The following ZMYND8 variants were observed in gnomAD, a reference collection of about 807,000 sequenced individuals.
ZMYND8 encodes the protein MYND-type zinc finger-containing chromatin reader ZMYND8.
A neutral mutation model predicts 140.8 loss-of-function variants in ZMYND8; 37 were observed. That is an observed-to-expected ratio of 0.26 (90% CI 0.20 to 0.35). The LOEUF (loss-of-function observed/expected upper bound fraction) is 0.35, where lower values mean the gene tolerates loss of function less well. Ranked by LOEUF, ZMYND8 falls within the 10% of genes least tolerant of loss-of-function variation. The pLI, the probability that ZMYND8 is intolerant of heterozygous loss-of-function variation, is 1.00. For synonymous variants in ZMYND8, 592 were observed against 597.1 expected (o/e 0.99, Z 0.12); for missense variants, 1,068 against 1,570.0 (o/e 0.68, Z 5.40).
At chr20:47,339,649 TG>T in intron 2 of ZMYND8, among the ~76,000 whole-genome samples, 1 of 151,880 alleles carries the variant, frequency 6.6e-6, no homozygotes, top group East Asian at 2.0e-4. Context: ...GCTAATTTTT[TG>T]TATTTTTAGT....
chr20:47,308,972 C>T (rs1216702237), intron 3 of ZMYND8, among the ~76,000 whole-genome samples: 2 of 152,172 alleles, frequency 1.3e-5, no homozygotes, highest in African/African-American at 2.4e-5. Context: ...GAACAAGTGG[C>T]ATCAGAACCA....
intron 3 of ZMYND8, among the ~76,000 whole-genome samples, chr20:47,301,190 T>C (rs1486783575): frequency 6.6e-6 from 1 of 151,334 alleles, no homozygotes; most frequent in Non-Finnish European, 1.5e-5. Flanking sequence ...GTTCCGCTCT[T>C]GTTGCCCAGG....
intron 2 of ZMYND8, among the ~76,000 whole-genome samples, chr20:47,329,077 T>C (rs1275135424): frequency 6.6e-6 from 1 of 152,194 alleles, no homozygotes; most frequent in East Asian, 1.9e-4. Context: ...CTGTGTTCTC[T>C]GCACAACTTT....
intron 21 of ZMYND8, among the ~76,000 whole-genome samples, chr20:47,213,396 GA>G (rs2035574035): frequency 1.3e-5 from 2 of 152,142 alleles, no homozygotes. Flanking sequence ...GAAACTCCAG[GA>G]AAAAGGCTAT....
At position 47,350,455 on chromosome 20, in the gene ZMYND8, G is replaced by T. The variant is rs370308802; in HGVS notation, c.15-2529C>A. On this transcript the variant is annotated intron_variant, in intron 1 of 22. Transcript: ENST00000471951. Reference sequence around the variant, plus strand: ...CTACACCACTGATTTCGGTTTTTTTGTGTGTGTGTGTGTGTTTTTTTTTGA... The same window carrying T: ...CTACACCACTGATTTCGGTTTTTTTTTGTGTGTGTGTGTGTTTTTTTTTGA... Among the ~76,000 whole-genome samples the T allele has an allele frequency of 7.0e-3, 1,041 of 148,452 alleles. 10 individuals carry two copies. The highest frequency in any genetic ancestry group is 0.021 in the Middle Eastern group (6 of 290).
chr20:47,221,918 C>T (rs988377005), intron 19 of ZMYND8, among the ~76,000 whole-genome samples: 2 of 152,186 alleles, frequency 1.3e-5, no homozygotes, highest in African/African-American at 2.4e-5. Flanking sequence ...CCACCCACCT[C>T]GGCCTCCCAA....
chr20:47,272,267 C>T (rs1199621928), intron 11 of ZMYND8, among the ~76,000 whole-genome samples: 6 of 151,958 alleles, frequency 3.9e-5, no homozygotes, highest in African/African-American at 1.5e-4. Context: ...TTAGTAGAGA[C>T]GGGGTTTCAC....
chr20:47,331,303 A>G (rs2080918715), intron 2 of ZMYND8, among the ~76,000 whole-genome samples: 1 of 152,238 alleles, frequency 6.6e-6, no homozygotes, highest in Admixed American at 6.5e-5. Flanking sequence ...ACTGTAGTTC[A>G]ATGGTGATAG....
At chr20:47,216,925 C>A (rs185525417) in intron 21 of ZMYND8, among the ~76,000 whole-genome samples, 2 of 152,084 alleles carry the variant, frequency 1.3e-5, no homozygotes, top group Admixed American at 1.3e-4. Flanking sequence ...GGTTAGTGAC[C>A]CAGATTTGCG....
chr20:47,267,677 A>G (rs780927597), intron 11 of ZMYND8, among the ~76,000 whole-genome samples: 15 of 152,236 alleles, frequency 9.9e-5, no homozygotes, highest in Admixed American at 3.9e-4. Context: ...CATCACCTAA[A>G]AACATCCAGA....
At chr20:47,250,313 G>C (rs1049551880) in intron 12 of ZMYND8, among the ~76,000 whole-genome samples, 5 of 152,150 alleles carry the variant, frequency 3.3e-5, no homozygotes, top group African/African-American at 1.2e-4. Flanking sequence ...TGGCTGCAAA[G>C]GTCCAGAAAG....
At chr20:47,274,379 C>T (rs539258844) in intron 11 of ZMYND8, among the ~76,000 whole-genome samples, 11 of 152,280 alleles carry the variant, frequency 7.2e-5, no homozygotes, top group South Asian at 4.1e-4. Flanking sequence ...TAATAAAATA[C>T]GGCAGAAAAC....
intron 12 of ZMYND8, among the ~76,000 whole-genome samples, chr20:47,257,664 C>T (rs75060934): frequency 0.13 from 20,117 of 151,932 alleles, 1,517 homozygotes; most frequent in South Asian, 0.31. Flanking sequence ...ATACCATATA[C>T]CCAATATACA....
In ZMYND8 at chr20:47,298,970, G is replaced by T; in HGVS notation, c.235-23C>A. On this transcript the variant is annotated intron_variant, in intron 3 of 22. Transcript: ENST00000471951. The surrounding 1 kb of genome is among the most constrained non-coding windows in gnomAD (Gnocchi z 5.0). ...TGACTGAAATGTAGGCAAAAAGACA[G>T]GTTTGGTTTCAAAACAAATGTGCAT... is the stretch of plus-strand genomic sequence containing the variant. 6.2e-7 allele frequency: 1 copy of T among 1,608,732 alleles called. No individual in the cohort carries two copies. The highest frequency in any genetic ancestry group is 8.5e-7 in the Non-Finnish European group (1 of 1,175,290).
At chr20:47,236,930 G>A (rs1189986703) in intron 15 of ZMYND8, among the ~76,000 whole-genome samples, 1 of 152,106 alleles carries the variant, frequency 6.6e-6, no homozygotes, top group East Asian at 1.9e-4. Context: ...TAACTTCCCT[G>A]ACTCTACTGA....
intron 2 of ZMYND8, among the ~76,000 whole-genome samples, chr20:47,314,383 C>CAACTA (rs1440438252): frequency 2.6e-5 from 4 of 152,064 alleles, no homozygotes; most frequent in African/African-American, 9.7e-5. Flanking sequence ...CCAGTAGTCC[C>CAACTA]AACTACTAGG....
chr20:47,221,223 A>G, intron 20 of ZMYND8, 91 bp downstream of exon 20: 1 of 1,521,478 alleles, frequency 6.6e-7, no homozygotes, highest in African/African-American at 1.4e-5. Flanking sequence ...CTCCCACAAC[A>G]CGGAACTTTC....
chr20:47,246,222 C>T lies in ZMYND8; in HGVS notation c.2070G>A (p.Glu690=). The T allele has an allele frequency of 6.2e-7, 1 of 1,614,168 alleles. No individual in the cohort carries two copies. Among genetic ancestry groups the T allele is most frequent in the Non-Finnish European group, 8.5e-7 (1 of 1,180,042 alleles). ...PGAVKDKASP[E]PEKDFSEKAK... ...CCTTTTCGGAAAAGTCCTTCTCAGGCTCAGGGCTGGCCTTGTCCTTGACTG... is the reference window on the plus strand; with the variant it reads ...CCTTTTCGGAAAAGTCCTTCTCAGGTTCAGGGCTGGCCTTGTCCTTGACTG... Residue 690 remains glutamate (E), a synonymous_variant, in exon 14 of 23, where the codon GAG becomes GAA. Coordinates refer to ENST00000471951, the MANE Select transcript of ZMYND8 (RefSeq NM_001281775.3).
Position 47,268,872 on chromosome 20 carries a change from G to A in ZMYND8, c.1481-6444C>T, listed in dbSNP as rs74275247. ...ATGTTATACACCTACTAAACACAAG[G>A]TGCTTGCTAAAAGAGTGATTAACAA... On this transcript the variant is annotated intron_variant, in intron 11 of 22. Transcript: ENST00000471951. Among the ~76,000 whole-genome samples, 1,074 of 152,066 alleles carry A rather than the reference G, an allele frequency of 7.1e-3. 62 individuals carry two copies. In the East Asian group the frequency reaches 0.15, roughly 21 times the overall value.
Sources: gnomAD v4.1 joint callset for allele counts (sites outside exome capture counted in the v4.1 genomes callset) on GRCh38, gnomAD v4.1.1 for gene constraint, Gnocchi (gnomAD v3.1) non-coding constraint, MANE v1.5 for transcripts, NCBI Gene and HGNC (gene_info 2026-07-23, HGNC 2026-07-21) for gene names.